PDE8A: variants seen among roughly 807,000 people sequenced by gnomAD.
The protein encoded by PDE8A is high affinity cAMP-specific and IBMX-insensitive 3',5'-cyclic phosphodiesterase 8A.
Under a neutral mutation model 105.0 loss-of-function variants are expected in PDE8A, and 59 were observed. The ratio of observed to expected loss-of-function variants is 0.56; its 90% CI spans 0.46 to 0.70. The LOEUF (loss-of-function observed/expected upper bound fraction) is 0.70, where lower values mean the gene tolerates loss of function less well. Among genes scored for constraint, PDE8A ranks in the 30% least tolerant of loss-of-function variants. PDE8A has a pLI of 0.00. For missense variants in PDE8A, 1,014 were observed against 1,045.9 expected, an observed-to-expected ratio of 0.97 and a Z score of 0.42; for synonymous variants, 355 against 371.9, an observed-to-expected ratio of 0.95 and a Z score of 0.52.
intron 20 of PDE8A, among the ~76,000 whole-genome samples, chr15:85,127,451 A>T (rs1032466418): frequency 1.2e-4 from 19 of 152,214 alleles, no homozygotes; most frequent in African/African-American, 4.3e-4. Flanking sequence ...ATTAGCACTA[A>T]TAAGTGGATT....
intron 18 of PDE8A, among the ~76,000 whole-genome samples, chr15:85,121,909 C>G (rs1437002069): frequency 6.6e-6 from 1 of 152,138 alleles, no homozygotes; most frequent in Non-Finnish European, 1.5e-5. Context: ...GCTTTTTTCA[C>G]TTAGCACAAT....
chr15:85,045,046 C>G (rs1217285475), intron 1 of PDE8A, among the ~76,000 whole-genome samples: 1 of 152,176 alleles, frequency 6.6e-6, no homozygotes, highest in African/African-American at 2.4e-5. Context: ...CTTATTTCCA[C>G]TGTAGGTCCT....
At chr15:85,090,262 G>A (rs1278264792) in intron 7 of PDE8A, among the ~76,000 whole-genome samples, 2 of 152,198 alleles carry the variant, frequency 1.3e-5, no homozygotes, top group Admixed American at 6.5e-5. Context: ...TGTGGAAATG[G>A]AAATAATATT....
chr15:85,062,602 T>A (rs1034847684), intron 1 of PDE8A: 2 of 152,198 alleles, frequency 1.3e-5, no homozygotes, highest in African/African-American at 4.8e-5. Context: ...AGAGCACAGA[T>A]CCCTGATATT....
At chr15:85,127,974 CAG>C (rs1468650553) in intron 20 of PDE8A, among the ~76,000 whole-genome samples, 1 of 139,224 alleles carries the variant, frequency 7.2e-6, no homozygotes, top group African/African-American at 2.7e-5. Context: ...ATCCAAGAAA[CAG>C]ATCACATTTA....
chr15:85,051,659 C>T (rs766727249), intron 1 of PDE8A, among the ~76,000 whole-genome samples: 35 of 152,006 alleles, frequency 2.3e-4, no homozygotes, highest in Non-Finnish European at 5.9e-5. Flanking sequence ...GTGTTGTTCC[C>T]CCCACATGTC....
chr15:85,091,901 CTTTTTT>C (rs563631633), intron 8 of PDE8A, among the ~76,000 whole-genome samples: 1 of 88,416 alleles, frequency 1.1e-5, no homozygotes, highest in Non-Finnish European at 2.1e-5. Flanking sequence ...TTCTGCTGGA[CTTTTTT>C]TTTTTTTTTT....
intron 15 of PDE8A, 197 bp downstream of exon 15, chr15:85,115,684 C>T (rs772456376): frequency 5.7e-5 from 31 of 541,662 alleles, no homozygotes; most frequent in Admixed American, 4.5e-4. Flanking sequence ...TGGCTCACAC[C>T]GCCGAGATGG....
chr15:85,121,061 T>A, intron 18 of PDE8A, 47 bp downstream of exon 18: 2 of 1,053,378 alleles, frequency 1.9e-6, no homozygotes, highest in Non-Finnish European at 2.8e-6. Context: ...CTTTCTTTTT[T>A]AAACAGCTAT....
At chr15:85,045,225 T>C (rs1463347833) in intron 1 of PDE8A, among the ~76,000 whole-genome samples, 1 of 152,242 alleles carries the variant, frequency 6.6e-6, no homozygotes, top group Non-Finnish European at 1.5e-5. Flanking sequence ...TCAGAGATAT[T>C]GTCTGTCTTG....
At chr15:85,122,329 G>T (rs1436446367) in intron 18 of PDE8A, among the ~76,000 whole-genome samples, 1 of 152,092 alleles carries the variant, frequency 6.6e-6, no homozygotes, top group Non-Finnish European at 1.5e-5. Flanking sequence ...ATCAGTTGAA[G>T]AAAGAAAAAA....
intron 21 of PDE8A, 83 bp from the exon 22 acceptor site, chr15:85,137,714 C>A: frequency 1.1e-6 from 1 of 874,662 alleles, no homozygotes; most frequent in South Asian, 1.5e-5. Context: ...TCCCATCTGT[C>A]ACTCTTTAAA....
At chr15:85,069,140 C>G (rs1349078106) in intron 3 of PDE8A, among the ~76,000 whole-genome samples, 1 of 152,176 alleles carries the variant, frequency 6.6e-6, no homozygotes, top group East Asian at 1.9e-4. Flanking sequence ...GTTAAAAACT[C>G]ACACAAATAC....
At chr15:85,052,275 A>G (rs548452278) in intron 1 of PDE8A, among the ~76,000 whole-genome samples, 39 of 152,342 alleles carry the variant, frequency 2.6e-4, no homozygotes, top group Non-Finnish European at 5.0e-4. Flanking sequence ...TAGCGCCGCA[A>G]TAAACATATG....
At chr15:85,014,849 A>C (rs2141340324) in intron 1 of PDE8A, among the ~76,000 whole-genome samples, 1 of 152,180 alleles carries the variant, frequency 6.6e-6, no homozygotes, top group East Asian at 1.9e-4. Flanking sequence ...AAAGTTGTGC[A>C]ACCATTACCA....
intron 18 of PDE8A, 110 bp from the exon 19 acceptor site, chr15:85,122,951 A>T: frequency 9.1e-7 from 1 of 1,095,398 alleles, no homozygotes; most frequent in Non-Finnish European, 1.3e-6. Flanking sequence ...CAGTGGCATT[A>T]GATTTATAGC....
chr15:85,091,020 G>GT, intron 7 of PDE8A, 24 bp from the exon 8 acceptor site: 2 of 1,590,408 alleles, frequency 1.3e-6, no homozygotes, highest in South Asian at 2.3e-5. Flanking sequence ...TTCACTTTAT[G>GT]TTTTTTCTTT....
At position 85,137,829 on chromosome 15, in the gene PDE8A, C is replaced by A; in HGVS notation, c.2416C>A (p.Leu806Ile). ...AGACCTGCCTGATTTAATGCAGCATCTTGACAACAACTTTAAATACTGGAA... is the reference window on the plus strand; with the variant it reads ...AGACCTGCCTGATTTAATGCAGCATATTGACAACAACTTTAAATACTGGAA... ...FVDLPDLMQH[L>I]DNNFKYWKGL... The change falls in exon 22 of 22, where the codon CTT becomes ATT. Residue 806 changes from leucine to isoleucine, a missense_variant. Physicochemically the swap from Leu to Ile is conservative, Grantham distance 5 (BLOSUM62 2). Transcript: ENST00000394553. 1 of 1,613,458 alleles carries A rather than the reference C, an allele frequency of 6.2e-7. No individual in the cohort carries two copies. The highest frequency in any genetic ancestry group is 8.5e-7 in the Non-Finnish European group (1 of 1,179,356).
chr15:85,030,279 G>A (rs1276975979), intron 1 of PDE8A, among the ~76,000 whole-genome samples: 1 of 151,884 alleles, frequency 6.6e-6, no homozygotes, highest in Non-Finnish European at 1.5e-5. Flanking sequence ...TTCAGTTCCT[G>A]GAACCTGAGG....
Sources: allele counts gnomAD v4.1 joint callset (sites outside exome capture counted in the v4.1 genomes callset), GRCh38; gene constraint gnomAD v4.1.1; transcripts MANE v1.5; gene names NCBI Gene and HGNC (gene_info 2026-07-23, HGNC 2026-07-21).